GFM1: variants seen among roughly 807,000 people sequenced by gnomAD.
GFM1 encodes elongation factor G, mitochondrial.
A neutral mutation model predicts 96.2 loss-of-function variants in GFM1; 62 were observed. The observed-to-expected ratio is 0.64, with a 90% CI of 0.53 to 0.80. GFM1 has a LOEUF of 0.80. Ranked by LOEUF, GFM1 falls within the 30% of genes least tolerant of loss-of-function variation. GFM1 has a pLI of 0.00. For missense variants in GFM1, 852 were observed against 916.6 expected (o/e 0.93, Z 0.91); for synonymous variants, 282 against 312.9 (o/e 0.90, Z 1.04).
At chr3:158,674,787 T>G (rs989935089) in intron 13 of GFM1, among the ~76,000 whole-genome samples, 4 of 152,200 alleles carry the variant, frequency 2.6e-5, no homozygotes, top group Non-Finnish European at 5.9e-5. Flanking sequence ...GTAGCTCACC[T>G]TTTCCTGTTT....
intron 14 of GFM1, among the ~76,000 whole-genome samples, chr3:158,683,726 T>C (rs933187430): frequency 6.6e-6 from 1 of 152,174 alleles, no homozygotes; most frequent in Non-Finnish European, 1.5e-5. Flanking sequence ...AAAATTAAGA[T>C]CATGCTGTCT....
chr3:158,662,817 ATCT>A (rs1723303178), intron 11 of GFM1, 133 bp downstream of exon 11: 5 of 702,342 alleles, frequency 7.1e-6, no homozygotes, highest in Admixed American at 2.3e-5. Flanking sequence ...TGGTATTGAG[ATCT>A]TCTTTTTAAA....
intron 9 of GFM1, among the ~76,000 whole-genome samples, chr3:158,659,570 T>G (rs1409877131): frequency 1.3e-5 from 2 of 152,180 alleles, no homozygotes; most frequent in Non-Finnish European, 2.9e-5. Flanking sequence ...CACCTGAAGA[T>G]TTAAAAGCTT....
chr3:158,650,968 C>G (rs1415142873), intron 5 of GFM1: 1 of 139,356 alleles, frequency 7.2e-6, no homozygotes, highest in African/African-American at 2.8e-5. Context: ...TTGCAGTGAG[C>G]CGAGATGGCA....
chr3:158,644,596 C>G lies in GFM1; in HGVS notation c.-39C>G. The G allele has an allele frequency of 6.5e-7, 1 of 1,536,642 alleles. No individual in the cohort carries two copies. The highest frequency in any genetic ancestry group is 1.4e-5 in the African/African-American group (1 of 72,960). ...GTGCGTTACCGGCAGCTGAACCCAC[C>G]CGGCGCCACGGGACTTTGACGCGTG... is the stretch of plus-strand genomic sequence containing the variant. On this transcript the variant is annotated 5_prime_UTR_variant, in exon 1 of 18. Transcript: ENST00000486715.
rs1559864899 is a variant in GFM1 at position 158,693,250 on chromosome 3, A to G, written c.*1783A>G. On this transcript the variant is annotated 3_prime_UTR_variant, in exon 18 of 18. Coordinates refer to ENST00000486715, the MANE Select transcript of GFM1 (RefSeq NM_024996.7). ...TGGCATTTCCTCAGCATCTTGTGACATTCACAATAACTTTGAATATTGTTC... is the reference window on the plus strand; with the variant it reads ...TGGCATTTCCTCAGCATCTTGTGACGTTCACAATAACTTTGAATATTGTTC... 1 of 152,238 alleles carries G rather than the reference A, an allele frequency of 6.6e-6. No homozygotes were observed. The highest frequency in any genetic ancestry group is 2.4e-5 in the African/African-American group (1 of 41,460). The allele number at this position is 152,238 out of a possible 1,614,324, so 9.4% of individuals were successfully genotyped here.
chr3:158,694,542 A>G lies in GFM1; in HGVS notation c.*3075A>G, dbSNP rs1189425581. Among the ~76,000 whole-genome samples, 1 of 152,152 alleles carries G rather than the reference A, an allele frequency of 6.6e-6. No individual in the cohort carries two copies. Among genetic ancestry groups the G allele is most frequent in the Non-Finnish European group, 1.5e-5 (1 of 68,024 alleles). The stretch of plus-strand genomic sequence containing the variant: ...CAACAAACCCCCAGGACACAAGTTT[A>G]GCTATGTAACAAGCCTGCACATCAA... On this transcript the variant is annotated 3_prime_UTR_variant, in exon 18 of 18. Transcript: ENST00000486715.
At chr3:158,666,868 TG>T in intron 13 of GFM1, 1 of 1,437,022 alleles carries the variant, frequency 7.0e-7, no homozygotes, top group Admixed American at 2.4e-5. Flanking sequence ...GTTAAATTGC[TG>T]CAATTATAAT....
intron 13 of GFM1, chr3:158,667,119 T>A: frequency 1.3e-6 from 2 of 1,504,344 alleles, no homozygotes; most frequent in Non-Finnish European, 1.8e-6. Context: ...TTAATATCTT[T>A]GGCAAAAATT....
intron 15 of GFM1, among the ~76,000 whole-genome samples, chr3:158,687,719 C>T (rs901799589): frequency 2.7e-4 from 41 of 152,142 alleles, no homozygotes; most frequent in Non-Finnish European, 7.4e-5. Flanking sequence ...CCACCTGCCT[C>T]CGCCTCCCAA....
At chr3:158,679,271 A>T (rs1725167235) in intron 13 of GFM1, among the ~76,000 whole-genome samples, 1 of 152,252 alleles carries the variant, frequency 6.6e-6, no homozygotes, top group Non-Finnish European at 1.5e-5. Flanking sequence ...GTAAACATAT[A>T]GCTTTTATAA....
intron 1 of GFM1, 33 bp downstream of exon 1, chr3:158,644,748 A>G (rs1351560574): frequency 7.2e-6 from 11 of 1,531,862 alleles, no homozygotes; most frequent in Non-Finnish European, 8.9e-6. Context: ...AATCGGGACC[A>G]TTCCCGGAAC....
At chr3:158,661,061 C>A in intron 10 of GFM1, 86 bp downstream of exon 10, 1 of 1,075,758 alleles carries the variant, frequency 9.3e-7, no homozygotes, top group Non-Finnish European at 1.4e-6. Flanking sequence ...TTCAGAAAAA[C>A]AACCACAGAA....
chr3:158,660,866 T>G lies in GFM1; in HGVS notation c.1222-8T>G, dbSNP rs2108040143. On this transcript the variant is annotated splice_polypyrimidine_tract_variant and splice_region_variant and intron_variant, in intron 9 of 17. Coordinates refer to ENST00000486715, the MANE Select transcript of GFM1 (RefSeq NM_024996.7). ...GCAAATATAATTTTGTGTTATTTGT[T>G]TTTTTAGGATGTTGAGGAAGTATAT... 1 of 1,611,126 alleles carries G rather than the reference T, an allele frequency of 6.2e-7. No homozygotes were observed. Among genetic ancestry groups the G allele is most frequent in the Non-Finnish European group, 8.5e-7 (1 of 1,177,324 alleles).
At chr3:158,674,708 C>T (rs983005448) in intron 13 of GFM1, among the ~76,000 whole-genome samples, 1 of 152,014 alleles carries the variant, frequency 6.6e-6, no homozygotes, top group African/African-American at 2.4e-5. Context: ...AAGCTTTTTC[C>T]TCTCTCCTTG....
intron 13 of GFM1, among the ~76,000 whole-genome samples, chr3:158,680,091 C>A (rs549798971): frequency 2.6e-4 from 40 of 152,248 alleles, no homozygotes; most frequent in African/African-American, 8.9e-4. Context: ...ACAATTCTTA[C>A]ATATATGTAT....
chr3:158,648,719 C>A (rs1302068045), intron 4 of GFM1, among the ~76,000 whole-genome samples: 3 of 149,346 alleles, frequency 2.0e-5, no homozygotes, highest in Non-Finnish European at 4.4e-5. Context: ...GCTCAGCTAT[C>A]CTACTATTTA....
intron 5 of GFM1, among the ~76,000 whole-genome samples, chr3:158,651,472 A>G (rs1051218739): frequency 2.0e-5 from 3 of 151,828 alleles, no homozygotes; most frequent in Non-Finnish European, 4.4e-5. Flanking sequence ...CTGAAAATGC[A>G]GATAATAGAA....
intron 10 of GFM1, among the ~76,000 whole-genome samples, chr3:158,661,468 C>G (rs1029064071): frequency 2.6e-5 from 4 of 152,148 alleles, no homozygotes; most frequent in Non-Finnish European, 5.9e-5. Flanking sequence ...AGAACATAAC[C>G]AGGCTCAGAA....
Sources: gnomAD v4.1 joint callset for allele counts (sites outside exome capture counted in the v4.1 genomes callset) on GRCh38, gnomAD v4.1.1 for gene constraint, MANE v1.5 for transcripts, NCBI Gene and HGNC (gene_info 2026-07-23, HGNC 2026-07-21) for gene names.